ME2: variants seen among roughly 807,000 people sequenced by gnomAD.
ME2 encodes malic enzyme 2, also known as NAD-dependent malic enzyme, mitochondrial.
Under a neutral mutation model 73.7 loss-of-function variants are expected in ME2, and 60 were observed. That is an observed-to-expected ratio of 0.81 (90% CI 0.66 to 1.01). The LOEUF (loss-of-function observed/expected upper bound fraction) is 1.01. Ranked by LOEUF, ME2 falls within the 50% of genes least tolerant of loss-of-function variation. The pLI, the probability that ME2 is intolerant of heterozygous loss-of-function variation, is 0.00. For missense variants in ME2, 594 were observed against 705.5 expected (o/e 0.84, Z 1.79); for synonymous variants, 199 against 236.9 (o/e 0.84, Z 1.47).
At position 50,950,948 on chromosome 18, in the gene ME2, A is replaced by AT. The variant is rs1189649009; in HGVS notation, c.*3766dup. The AT allele has an allele frequency of 6.6e-6, 1 of 152,196 alleles. No homozygotes were observed. The highest frequency in any genetic ancestry group is 1.5e-5 in the Non-Finnish European group (1 of 68,028). The allele number at this position is 152,196 out of a possible 1,614,324, so 9.4% of individuals were successfully genotyped here. A position where few individuals can be genotyped will look rare whatever the true frequency, so the allele number is the denominator to read the frequency against. On this transcript the variant is annotated 3_prime_UTR_variant, in exon 16 of 16. Transcript: ENST00000321341. ...AGTTACATGAAAAAGATCAACTGAA[A>AT]TTATGTTCTTACACAGAATAGTTTT...
At chr18:50,940,519 A>G in intron 15 of ME2, 133 bp downstream of exon 15, 2 of 641,500 alleles carry the variant, frequency 3.1e-6, no homozygotes, top group Non-Finnish European at 5.4e-6. Flanking sequence ...TATTCTTACT[A>G]CCAGAATATA....
chr18:50,901,675 A>G (rs1252742677), intron 2 of ME2, among the ~76,000 whole-genome samples: 1 of 152,214 alleles, frequency 6.6e-6, no homozygotes, highest in Non-Finnish European at 1.5e-5. Context: ...AAAGTGTACA[A>G]TTGTTTGATT....
intron 10 of ME2, among the ~76,000 whole-genome samples, chr18:50,921,516 C>A (rs1325595571): frequency 1.3e-5 from 2 of 152,134 alleles, no homozygotes; most frequent in Non-Finnish European, 2.9e-5. Flanking sequence ...CTGAGAACTT[C>A]CTAATTAAAT....
At chr18:50,880,340 C>A (rs1017046256) in intron 1 of ME2, among the ~76,000 whole-genome samples, 1 of 152,196 alleles carries the variant, frequency 6.6e-6, no homozygotes, top group Non-Finnish European at 1.5e-5. Flanking sequence ...GGTCTAACTT[C>A]ATAGCTGCAT....
chr18:50,920,856 T>G (rs1352000977), intron 9 of ME2, 98 bp downstream of exon 9: 1 of 932,720 alleles, frequency 1.1e-6, no homozygotes, highest in African/African-American at 1.7e-5. Flanking sequence ...ATAGTGAGCC[T>G]GTAATTTTGT....
chr18:50,930,659 A>G (rs1450352155), intron 12 of ME2, among the ~76,000 whole-genome samples: 2 of 152,192 alleles, frequency 1.3e-5, no homozygotes, highest in Non-Finnish European at 2.9e-5. Flanking sequence ...AGATCTTTCT[A>G]AATTTCCAAA....
At chr18:50,915,971 G>T in intron 4 of ME2, 197 bp from the exon 5 acceptor site, 3 of 422,002 alleles carry the variant, frequency 7.1e-6, no homozygotes, top group Non-Finnish European at 8.5e-6. Flanking sequence ...AATCTTTGTT[G>T]CATCTGCTAT....
chr18:50,916,393 A>G, intron 5 of ME2, 150 bp downstream of exon 5: 1 of 574,836 alleles, frequency 1.7e-6, no homozygotes, highest in East Asian at 3.0e-5. Flanking sequence ...AAGTGATGAT[A>G]ATAGTAGTAG....
chr18:50,945,199 C>A (rs1268046121), intron 15 of ME2: 3 of 152,226 alleles, frequency 2.0e-5, no homozygotes, highest in African/African-American at 7.2e-5. Flanking sequence ...TTCAACACAA[C>A]CTCTGCCTCC....
At chr18:50,924,308 T>C in intron 11 of ME2, 96 bp downstream of exon 11, 1 of 784,632 alleles carries the variant, frequency 1.3e-6, no homozygotes, top group Non-Finnish European at 2.1e-6. Flanking sequence ...ATTGGCAGTT[T>C]TACCTAGCTT....
intron 1 of ME2, among the ~76,000 whole-genome samples, chr18:50,886,246 A>ATT (rs34895453): frequency 4.9e-4 from 70 of 142,776 alleles, no homozygotes; most frequent in Middle Eastern, 3.6e-3. Context: ...GGTAAGTTAG[A>ATT]TTTTTTTTTT....
At chr18:50,909,415 T>C (rs1430232990) in intron 3 of ME2, among the ~76,000 whole-genome samples, 1 of 152,194 alleles carries the variant, frequency 6.6e-6, no homozygotes, top group Non-Finnish European at 1.5e-5. Flanking sequence ...TCTGAGAGCA[T>C]GCAGAGGGCA....
intron 13 of ME2, chr18:50,939,288 G>GTGTCA: frequency 3.7e-6 from 1 of 272,594 alleles, no homozygotes; most frequent in Non-Finnish European, 7.0e-6. Flanking sequence ...GGGAACTGGA[G>GTGTCA]TTAAAACAAG....
intron 14 of ME2, 64 bp downstream of exon 14, chr18:50,939,704 A>G (rs1917901696): frequency 8.9e-7 from 1 of 1,122,688 alleles, no homozygotes; most frequent in African/African-American, 1.5e-5. Flanking sequence ...AGATCTGAAA[A>G]TTAAAGGCAG....
chr18:50,883,518 C>T (rs1170974052), intron 1 of ME2, among the ~76,000 whole-genome samples: 3 of 152,226 alleles, frequency 2.0e-5, no homozygotes, highest in Admixed American at 2.0e-4. Context: ...ATGGAAGGGG[C>T]AAGGCAGTGA....
At chr18:50,936,865 A>G (rs1055477755) in intron 13 of ME2, among the ~76,000 whole-genome samples, 1 of 152,148 alleles carries the variant, frequency 6.6e-6, no homozygotes, top group Non-Finnish European at 1.5e-5. Flanking sequence ...TAGGAGTTTG[A>G]GGTTACAGCA....
chr18:50,928,481 G>A (rs933680347), intron 12 of ME2, among the ~76,000 whole-genome samples: 3 of 149,002 alleles, frequency 2.0e-5, no homozygotes, highest in Admixed American at 6.7e-5. Context: ...CTTGTGATCC[G>A]CCCGCCTCGG....
In ME2 at chr18:50,923,056, T is replaced by A. The variant is rs951794058; in HGVS notation, c.1057-1042T>A. Among the ~76,000 whole-genome samples the A allele has an allele frequency of 1.3e-4, 20 of 152,354 alleles. No homozygotes were observed. In the East Asian group the frequency reaches 3.9e-3, roughly 29 times the overall value. On this transcript the variant is annotated intron_variant, in intron 10 of 15. Transcript: ENST00000321341. ...ATTGTTCTAGTCTGTCAGTGGTATC[T>A]CTTCTGGCTTTGTGGCATTACTACA...
chr18:50,885,912 GA>G (rs1291146177), intron 1 of ME2, among the ~76,000 whole-genome samples: 4 of 152,044 alleles, frequency 2.6e-5, no homozygotes, highest in African/African-American at 9.7e-5. Flanking sequence ...AAAATAGCCT[GA>G]AAAATCTTGC....
Sources: gnomAD v4.1 joint callset for allele counts (sites outside exome capture counted in the v4.1 genomes callset) on GRCh38, gnomAD v4.1.1 for gene constraint, MANE v1.5 for transcripts, NCBI Gene and HGNC (gene_info 2026-07-23, HGNC 2026-07-21) for gene names.